The following LOXL2 variants were observed in gnomAD, a reference collection of about 807,000 sequenced individuals.
LOXL2 encodes lysyl oxidase homolog 2.
A neutral mutation model predicts 93.0 loss-of-function variants in LOXL2; 70 were observed. The ratio of observed to expected loss-of-function variants is 0.75; its 90% CI spans 0.62 to 0.92. The LOEUF is 0.92. LOXL2 is among the 40% of genes least tolerant of loss of function. The probability of loss-of-function intolerance (pLI) is 0.00; values close to 1 mark genes in which losing one functional copy is unlikely to be tolerated. For synonymous variants in LOXL2, 438 were observed against 413.2 expected (o/e 1.06, Z -0.73); for missense variants, 973 against 1,054.9 (o/e 0.92, Z 1.08).
chr8:23,348,617 C>G (rs544136245), intron 3 of LOXL2, among the ~76,000 whole-genome samples: 1 of 151,972 alleles, frequency 6.6e-6, no homozygotes, highest in Non-Finnish European at 1.5e-5. Flanking sequence ...GTGGCTCACG[C>G]CTGTAATCCT....
At chr8:23,330,025 T>A (rs537605816) in intron 5 of LOXL2, among the ~76,000 whole-genome samples, 16 of 151,298 alleles carry the variant, frequency 1.1e-4, no homozygotes, top group African/African-American at 3.6e-4. Flanking sequence ...ACCCTAGCTT[T>A]AAAAAAAAAC....
intron 1 of LOXL2, among the ~76,000 whole-genome samples, chr8:23,401,391 AT>A (rs60787487): frequency 1.6e-4 from 24 of 150,588 alleles, no homozygotes; most frequent in African/African-American, 4.9e-4. Context: ...GATACCAAAT[AT>A]TTTTTTTTTA....
chr8:23,401,127 G>GC (rs1319721095), intron 1 of LOXL2, among the ~76,000 whole-genome samples: 1 of 152,142 alleles, frequency 6.6e-6, no homozygotes, highest in East Asian at 1.9e-4. Flanking sequence ...CACCAGCTGT[G>GC]CCCTCTGGAC....
At chr8:23,379,285 G>T (rs1227116245) in intron 1 of LOXL2, among the ~76,000 whole-genome samples, 2 of 152,190 alleles carry the variant, frequency 1.3e-5, no homozygotes, top group Non-Finnish European at 2.9e-5. Flanking sequence ...CTGCCTGATT[G>T]TTCCTCTGGA....
At chr8:23,298,725 G>T in intron 13 of LOXL2, 111 bp downstream of exon 13, 1 of 669,672 alleles carries the variant, frequency 1.5e-6, no homozygotes, top group Non-Finnish European at 2.7e-6. Context: ...GAAATGTGAT[G>T]CTGGCTGCAT....
At chr8:23,347,540 C>A (rs553273528) in intron 3 of LOXL2, among the ~76,000 whole-genome samples, 1 of 152,194 alleles carries the variant, frequency 6.6e-6, no homozygotes, top group African/African-American at 2.4e-5. Context: ...ATCCCAGCTA[C>A]TTGGGAGGCT....
At chr8:23,387,002 C>A (rs912537762) in intron 1 of LOXL2, among the ~76,000 whole-genome samples, 6 of 152,196 alleles carry the variant, frequency 3.9e-5, no homozygotes, top group East Asian at 1.9e-4. Context: ...TGGGAGCTGC[C>A]GTGGCAGATG....
intron 1 of LOXL2, among the ~76,000 whole-genome samples, chr8:23,402,132 GTGCACACA>G: frequency 6.6e-6 from 1 of 152,086 alleles, no homozygotes; most frequent in Non-Finnish European, 1.5e-5. Context: ...ACATACAGGT[GTGCACACA>G]TGCACACAGG....
At chr8:23,394,902 C>T (rs1005122812) in intron 1 of LOXL2, among the ~76,000 whole-genome samples, 2 of 152,052 alleles carry the variant, frequency 1.3e-5, no homozygotes, top group Admixed American at 6.6e-5. Flanking sequence ...ATACGGTATG[C>T]CCATACAATA....
intron 2 of LOXL2, among the ~76,000 whole-genome samples, chr8:23,362,896 G>T (rs552492936): frequency 2.9e-4 from 44 of 152,222 alleles, no homozygotes; most frequent in Non-Finnish European, 4.9e-4. Flanking sequence ...TTTTCTCACC[G>T]CTCCTTTTAG....
intron 1 of LOXL2, among the ~76,000 whole-genome samples, chr8:23,371,863 G>C (rs1361240628): frequency 6.6e-6 from 1 of 151,530 alleles, no homozygotes; most frequent in African/African-American, 2.4e-5. Flanking sequence ...TGTTGTCTGG[G>C]AAGTGGTAAA....
At chr8:23,356,191 C>T (rs181606636) in intron 3 of LOXL2, among the ~76,000 whole-genome samples, 2 of 152,296 alleles carry the variant, frequency 1.3e-5, no homozygotes, top group African/African-American at 4.8e-5. Context: ...CGGAACAGAG[C>T]CCTAGGGCTC....
intron 1 of LOXL2, among the ~76,000 whole-genome samples, chr8:23,374,119 G>C (rs1213211473): frequency 1.7e-5 from 2 of 117,218 alleles, no homozygotes; most frequent in Non-Finnish European, 1.6e-5. Flanking sequence ...CCCACAACAG[G>C]CCCCGGTGTG....
At chr8:23,337,995 G>A (rs1213039097) in intron 4 of LOXL2, among the ~76,000 whole-genome samples, 4 of 152,204 alleles carry the variant, frequency 2.6e-5, no homozygotes, top group African/African-American at 9.7e-5. Context: ...ATAAAGGAAA[G>A]AGGTTCAATA....
At chr8:23,313,958 C>CA in intron 9 of LOXL2, among the ~76,000 whole-genome samples, 2 of 88,874 alleles carry the variant, frequency 2.3e-5, no homozygotes, top group African/African-American at 3.3e-5. Flanking sequence ...AAGAAAAAAA[C>CA]AACCCCATCA....
chr8:23,335,365 G>A (rs1802126735), intron 4 of LOXL2, among the ~76,000 whole-genome samples: 1 of 152,170 alleles, frequency 6.6e-6, no homozygotes, highest in South Asian at 2.1e-4. Context: ...CTGGCCTGTT[G>A]TGACAGTTTA....
At chr8:23,368,874 C>T (rs1388816618) in intron 1 of LOXL2, among the ~76,000 whole-genome samples, 2 of 143,502 alleles carry the variant, frequency 1.4e-5, no homozygotes, top group Non-Finnish European at 3.2e-5. Context: ...GTGGCCCTCA[C>T]TGGAGGGTCT....
chr8:23,389,793 T>C (rs2117234792), intron 1 of LOXL2, among the ~76,000 whole-genome samples: 1 of 152,298 alleles, frequency 6.6e-6, no homozygotes, highest in African/African-American at 2.4e-5. Flanking sequence ...GACCCCACTT[T>C]GCTTGCCTGG....
intron 1 of LOXL2, among the ~76,000 whole-genome samples, chr8:23,373,456 G>A (rs1490263629): frequency 1.3e-5 from 2 of 152,134 alleles, no homozygotes; most frequent in Non-Finnish European, 2.9e-5. Context: ...CTACTCAGCT[G>A]CCCGTGTAGC....
Sources: gnomAD v4.1 joint callset for allele counts (sites outside exome capture counted in the v4.1 genomes callset) on GRCh38, gnomAD v4.1.1 for gene constraint, MANE v1.5 for transcripts, NCBI Gene and HGNC (gene_info 2026-07-23, HGNC 2026-07-21) for gene names.